Variants in GRID2 observed in about 807,000 individuals in gnomAD.
GRID2 encodes glutamate receptor ionotropic, delta-2.
GRID2 carries 33 observed loss-of-function variants against 114.8 expected under a neutral mutation model. The observed-to-expected ratio is 0.29, with a 90% CI of 0.22 to 0.38. The LOEUF is 0.38. Among genes scored for constraint, GRID2 ranks in the 10% least tolerant of loss-of-function variants. The pLI is 1.00. For synonymous variants in GRID2, 505 were observed against 449.9 expected, an observed-to-expected ratio of 1.12 and a Z score of -1.55; for missense variants, 1,184 against 1,257.7, an observed-to-expected ratio of 0.94 and a Z score of 0.89.
chr4:92,390,366 T>G (rs761040340), intron 1 of GRID2, among the ~76,000 whole-genome samples: 6 of 152,116 alleles, frequency 3.9e-5, no homozygotes, highest in Non-Finnish European at 7.4e-5. Context: ...ATTCCCAAAT[T>G]TATCAATTAG....
chr4:93,319,332 AT>A (rs757093887), intron 8 of GRID2, among the ~76,000 whole-genome samples: 1 of 152,090 alleles, frequency 6.6e-6, no homozygotes, highest in Non-Finnish European at 1.5e-5. Flanking sequence ...CTTACGTTTT[AT>A]TTCATAAGAA....
intron 13 of GRID2, among the ~76,000 whole-genome samples, chr4:93,589,826 T>C (rs1236565577): frequency 6.6e-6 from 1 of 152,070 alleles, no homozygotes; most frequent in African/African-American, 2.4e-5. Flanking sequence ...TTTTTTCATG[T>C]GTTTTTTGGC....
intron 8 of GRID2, among the ~76,000 whole-genome samples, chr4:93,283,688 T>G (rs1186352126): frequency 6.6e-6 from 1 of 152,104 alleles, no homozygotes; most frequent in Non-Finnish European, 1.5e-5. Context: ...GAAGAACTTA[T>G]ATACTACTTC....
At chr4:92,322,765 C>G (rs557264759) in intron 1 of GRID2, among the ~76,000 whole-genome samples, 1 of 151,988 alleles carries the variant, frequency 6.6e-6, no homozygotes, top group African/African-American at 2.4e-5. Flanking sequence ...TTATTCTTTC[C>G]TTTTATGCTG....
chr4:93,372,823 G>A (rs1331415959), intron 8 of GRID2, among the ~76,000 whole-genome samples: 1 of 152,094 alleles, frequency 6.6e-6, no homozygotes, highest in African/African-American at 2.4e-5. Flanking sequence ...ACTTCTGAGA[G>A]TCTCACTACT....
chr4:93,530,426 T>C (rs1416098598), intron 13 of GRID2, among the ~76,000 whole-genome samples: 3 of 152,188 alleles, frequency 2.0e-5, no homozygotes, highest in African/African-American at 7.2e-5. Context: ...TACATTACTA[T>C]CAAACCAAGT....
chr4:92,893,411 G>A (rs1296151225), intron 2 of GRID2, among the ~76,000 whole-genome samples: 1 of 152,112 alleles, frequency 6.6e-6, no homozygotes, highest in South Asian at 2.1e-4. Flanking sequence ...AAATAGGAAG[G>A]TATCTGGATT....
intron 2 of GRID2, among the ~76,000 whole-genome samples, chr4:92,632,133 C>T (rs184066354): frequency 5.3e-5 from 8 of 152,160 alleles, no homozygotes; most frequent in South Asian, 2.1e-4. Flanking sequence ...GAAGACTTTG[C>T]GCTTTAAAAT....
At chr4:93,797,686 G>A (rs1298990700) in intron 1 of GRID2, among the ~76,000 whole-genome samples, 2 of 152,132 alleles carry the variant, frequency 1.3e-5, no homozygotes, top group African/African-American at 2.4e-5. Flanking sequence ...TTGCCTGGGA[G>A]ACTTTGCAGA....
At chr4:92,985,781 A>G (rs1442446203) in intron 2 of GRID2, among the ~76,000 whole-genome samples, 1 of 152,182 alleles carries the variant, frequency 6.6e-6, no homozygotes, top group Non-Finnish European at 1.5e-5. Flanking sequence ...TGATTGAGTC[A>G]GATGTTGTCA....
At chr4:92,575,184 T>G (rs1205506127) in intron 1 of GRID2, among the ~76,000 whole-genome samples, 1 of 152,250 alleles carries the variant, frequency 6.6e-6, no homozygotes, top group Non-Finnish European at 1.5e-5. Context: ...TTCCTCTACA[T>G]TGTGGCTATT....
Position 92,634,879 on chromosome 4 carries a change from AAGAG to A in GRID2, c.244+44609_244+44612del, listed in dbSNP as rs70942918. On this transcript the variant is annotated intron_variant, in intron 2 of 15. Transcript: ENST00000282020. ...AGAGACAGAGAGAGAGAGAGAGAGA[AAGAG>A]AGAGAGAGAGAGAGAAATTGAGAGA... Among the ~76,000 whole-genome samples, 190 of 135,756 alleles carry A rather than the reference AAGAG, an allele frequency of 1.4e-3. 4 individuals carry two copies. Among genetic ancestry groups the A allele is most frequent in the South Asian group, 2.8e-3 (12 of 4,212 alleles). 89.1% of individuals were successfully genotyped at this position (135,756 alleles called of 152,430 possible). A position where few individuals can be genotyped will look rare whatever the true frequency, so the allele number is the denominator to read the frequency against.
At chr4:93,541,799 G>A (rs370130589) in intron 13 of GRID2, among the ~76,000 whole-genome samples, 3 of 152,024 alleles carry the variant, frequency 2.0e-5, no homozygotes, top group Non-Finnish European at 4.4e-5. Context: ...CTAATTTTGC[G>A]TTTCATGATA....
At chr4:92,933,658 C>T (rs891773696) in intron 2 of GRID2, among the ~76,000 whole-genome samples, 1 of 151,528 alleles carries the variant, frequency 6.6e-6, no homozygotes, top group African/African-American at 2.4e-5. Context: ...AGTTCCATAA[C>T]TTTTCCCTCC....
chr4:92,772,112 T>C (rs1342068878), intron 2 of GRID2, among the ~76,000 whole-genome samples: 2 of 152,214 alleles, frequency 1.3e-5, no homozygotes, highest in Non-Finnish European at 2.9e-5. Context: ...AAACACTGCC[T>C]CTGCCTCACT....
chr4:93,043,404 G>GT (rs1403030379), intron 2 of GRID2, among the ~76,000 whole-genome samples: 1 of 152,026 alleles, frequency 6.6e-6, no homozygotes, highest in Non-Finnish European at 1.5e-5. Context: ...GGTGCAATAC[G>GT]TCATATAAAA....
At chr4:92,651,210 C>T (rs1731914141) in intron 2 of GRID2, among the ~76,000 whole-genome samples, 1 of 152,064 alleles carries the variant, frequency 6.6e-6, no homozygotes, top group South Asian at 2.1e-4. Flanking sequence ...AACACTGCCC[C>T]TTCCATGATG....
intron 1 of GRID2, among the ~76,000 whole-genome samples, chr4:92,368,535 A>G (rs545273076): frequency 6.6e-6 from 1 of 152,240 alleles, no homozygotes; most frequent in South Asian, 2.1e-4. Context: ...TTTATTTATT[A>G]CTTGCTTACA....
chr4:93,422,979 CTTTA>C lies in GRID2; in HGVS notation c.1545+19_1545+22del. 1.3e-6 allele frequency: 2 copies of C among 1,563,852 alleles called. No homozygotes were observed. Among genetic ancestry groups the C allele is most frequent in the East Asian group, 2.2e-5 (1 of 44,554 alleles). ...GAACTTGTCTTTAAGGTAAGAATTA[CTTTA>C]TTTATTTGTCTCATACTTAAAGGTT... On this transcript the variant is annotated intron_variant, in intron 10 of 15. Transcript: ENST00000282020.
Sources: allele counts gnomAD v4.1 joint callset (sites outside exome capture counted in the v4.1 genomes callset), GRCh38; gene constraint gnomAD v4.1.1; transcripts MANE v1.5; gene names NCBI Gene and HGNC (gene_info 2026-07-23, HGNC 2026-07-21).